The following EIPR1 variants were observed in gnomAD, a reference collection of about 807,000 sequenced individuals.
EIPR1 encodes EARP complex and GARP complex interacting protein 1, also known as EARP and GARP complex-interacting protein 1.
Under a neutral mutation model 48.1 loss-of-function variants are expected in EIPR1, and 25 were observed. The observed-to-expected ratio is 0.52, with a 90% CI of 0.38 to 0.73. The LOEUF (loss-of-function observed/expected upper bound fraction) is 0.73, where lower values mean the gene tolerates loss of function less well. Among genes scored for constraint, EIPR1 ranks in the 30% least tolerant of loss-of-function variants. The probability of loss-of-function intolerance (pLI) is 0.00; values close to 1 mark genes in which losing one functional copy is unlikely to be tolerated. For missense variants in EIPR1, 415 were observed against 506.2 expected (o/e 0.82, Z 1.73); for synonymous variants, 204 against 201.9 (o/e 1.01, Z -0.09).
chr2:3,245,743 C>G (rs920851818), intron 4 of EIPR1, among the ~76,000 whole-genome samples: 101 of 152,316 alleles, frequency 6.6e-4, no homozygotes, highest in Non-Finnish European at 7.3e-5. Flanking sequence ...CTAAAGCCAA[C>G]CAGCACTGAT....
intron 3 of EIPR1, among the ~76,000 whole-genome samples, chr2:3,333,732 G>A (rs1326836534): frequency 5.8e-5 from 8 of 137,986 alleles, no homozygotes; most frequent in African/African-American, 2.2e-4. Flanking sequence ...CAAGAGCCAA[G>A]AGCAAGACCC....
At chr2:3,337,932 C>G in intron 3 of EIPR1, 85 bp downstream of exon 3, 1 of 1,432,104 alleles carries the variant, frequency 7.0e-7, no homozygotes, top group Non-Finnish European at 9.4e-7. Flanking sequence ...AGTCATGTGT[C>G]GACCCATTAG....
chr2:3,189,092 A>C lies in EIPR1; in HGVS notation c.*242T>G. 2.6e-6 allele frequency: 1 copy of C among 386,382 alleles called. No homozygotes were observed. Among genetic ancestry groups the C allele is most frequent in the African/African-American group, 2.0e-5 (1 of 48,988 alleles). 23.9% of individuals were successfully genotyped at this position (386,382 alleles called of 1,614,324 possible). A position where few individuals can be genotyped will look rare whatever the true frequency, so the allele number is the denominator to read the frequency against. On this transcript the variant is annotated 3_prime_UTR_variant, in exon 9 of 9. Transcript: ENST00000382125. This position sits in a 1 kb window ranked among gnomAD's most constrained non-coding sequence, Gnocchi z 4.6. ...CACCCTTAAAACAGAAAACATTGTTATTCACATAATAATGTGGGGCTCTGT... is the reference window on the plus strand; with the variant it reads ...CACCCTTAAAACAGAAAACATTGTTCTTCACATAATAATGTGGGGCTCTGT...
intron 1 of EIPR1, among the ~76,000 whole-genome samples, chr2:3,370,090 C>T (rs1421176376): frequency 2.6e-5 from 4 of 152,148 alleles, no homozygotes; most frequent in Admixed American, 6.6e-5. Flanking sequence ...CGAAAATCCG[C>T]GGTTCTGCAG....
At chr2:3,275,692 A>G (rs185953791) in intron 3 of EIPR1, among the ~76,000 whole-genome samples, 1 of 152,302 alleles carries the variant, frequency 6.6e-6, no homozygotes, top group East Asian at 1.9e-4. Flanking sequence ...CCACCAAGAG[A>G]GAATAAAAGA....
In EIPR1 at chr2:3,259,357, G is replaced by A. The variant is rs1008230718; in HGVS notation, c.260-1902C>T. On this transcript the variant is annotated intron_variant, in intron 3 of 8. Coordinates refer to ENST00000382125, the MANE Select transcript of EIPR1 (RefSeq NM_003310.5). Reference sequence around the variant, plus strand: ...CAGGTGTAAAGAAAGTGACTTTCCTGTAAACGCCAGCTCACCAAACTCCTT... The same window carrying A: ...CAGGTGTAAAGAAAGTGACTTTCCTATAAACGCCAGCTCACCAAACTCCTT... Among the ~76,000 whole-genome samples the A allele has an allele frequency of 1.4e-4, 15 of 109,888 alleles. No individual in the cohort carries two copies. The East Asian group carries it at 2.0e-3, about 14-fold the overall frequency. 72.1% of individuals were successfully genotyped at this position (109,888 alleles called of 152,430 possible). A position where few individuals can be genotyped will look rare whatever the true frequency, so the allele number is the denominator to read the frequency against.
At chr2:3,366,712 G>GA (rs1192045264) in intron 1 of EIPR1, among the ~76,000 whole-genome samples, 25 of 152,154 alleles carry the variant, frequency 1.6e-4, no homozygotes, top group African/African-American at 6.0e-4. Context: ...AATTAAGATA[G>GA]AAAAATGCTG....
intron 2 of EIPR1, among the ~76,000 whole-genome samples, chr2:3,344,445 C>T (rs1240332305): frequency 2.0e-5 from 3 of 152,150 alleles, no homozygotes; most frequent in South Asian, 2.1e-4. Flanking sequence ...CTGACATGAA[C>T]GTGACCTGCC....
chr2:3,307,853 A>G (rs1668994467), intron 3 of EIPR1, among the ~76,000 whole-genome samples: 1 of 152,232 alleles, frequency 6.6e-6, no homozygotes. Flanking sequence ...AATGTTCCCA[A>G]CACAAAGGAA....
At chr2:3,284,609 A>T (rs1668120386) in intron 3 of EIPR1, among the ~76,000 whole-genome samples, 1 of 152,274 alleles carries the variant, frequency 6.6e-6, no homozygotes, top group Admixed American at 6.5e-5. Flanking sequence ...AGCCCATCTA[A>T]TGTCACTCCA....
chr2:3,261,213 A>T (rs944542218), intron 3 of EIPR1, among the ~76,000 whole-genome samples: 1 of 152,142 alleles, frequency 6.6e-6, no homozygotes, highest in Non-Finnish European at 1.5e-5. Context: ...CTGTGGAGAC[A>T]GTTAATAGAG....
At chr2:3,355,665 A>C (rs1670704455) in intron 1 of EIPR1, among the ~76,000 whole-genome samples, 1 of 109,232 alleles carries the variant, frequency 9.2e-6, no homozygotes, top group South Asian at 2.7e-4. Context: ...AATTGTAAAA[A>C]TCATCTGGGA....
chr2:3,235,421 C>T (rs1034282802), intron 4 of EIPR1, among the ~76,000 whole-genome samples: 11 of 133,488 alleles, frequency 8.2e-5, no homozygotes, highest in Admixed American at 1.6e-4. Flanking sequence ...CATGCGGGTG[C>T]GCACACACAC....
intron 4 of EIPR1, among the ~76,000 whole-genome samples, chr2:3,224,817 C>T (rs1342169947): frequency 6.6e-6 from 1 of 152,226 alleles, no homozygotes. Flanking sequence ...CCACAACCTG[C>T]CGGAACCCCT....
intron 4 of EIPR1, among the ~76,000 whole-genome samples, chr2:3,230,139 C>A (rs1024272452): frequency 1.1e-5 from 1 of 91,372 alleles, no homozygotes; most frequent in Admixed American, 1.5e-4. Context: ...AAAAGTTATT[C>A]CTGAAAATTT....
chr2:3,322,611 G>A (rs1669569187), intron 3 of EIPR1, among the ~76,000 whole-genome samples: 3 of 152,288 alleles, frequency 2.0e-5, no homozygotes, highest in African/African-American at 7.2e-5. Context: ...GACTGTGGAC[G>A]CCCTAACTTG....
chr2:3,283,319 A>C (rs1377753634), intron 3 of EIPR1, among the ~76,000 whole-genome samples: 1 of 152,174 alleles, frequency 6.6e-6, no homozygotes, highest in Admixed American at 6.5e-5. Flanking sequence ...CCGAGCAGCC[A>C]AGTAACACTG....
intron 4 of EIPR1, among the ~76,000 whole-genome samples, chr2:3,233,672 C>T (rs1415478141): frequency 6.6e-6 from 1 of 152,208 alleles, no homozygotes; most frequent in Admixed American, 6.5e-5. Context: ...GCTTCTCACA[C>T]ATCTGTGAAT....
intron 4 of EIPR1, among the ~76,000 whole-genome samples, chr2:3,222,013 A>G (rs1665911074): frequency 6.6e-6 from 1 of 152,128 alleles, no homozygotes; most frequent in Non-Finnish European, 1.5e-5. Context: ...TTGTTTCACA[A>G]GACACTTATG....
Sources: gnomAD v4.1 joint callset for allele counts (sites outside exome capture counted in the v4.1 genomes callset) on GRCh38, gnomAD v4.1.1 for gene constraint, Gnocchi (gnomAD v3.1) non-coding constraint, MANE v1.5 for transcripts, NCBI Gene and HGNC (gene_info 2026-07-23, HGNC 2026-07-21) for gene names.